UBE2E2: variants seen among roughly 807,000 people sequenced by gnomAD.
UBE2E2 encodes ubiquitin-conjugating enzyme E2 E2.
A neutral mutation model predicts 24.7 loss-of-function variants in UBE2E2; 6 were observed. That is an observed-to-expected ratio of 0.24 (90% confidence interval 0.13 to 0.48). The LOEUF (loss-of-function observed/expected upper bound fraction) is 0.48, where lower values mean the gene tolerates loss of function less well. Ranked by LOEUF, UBE2E2 falls within the 20% of genes least tolerant of loss-of-function variation. The pLI, the probability that UBE2E2 is intolerant of heterozygous loss-of-function variation, is 0.99. For missense variants in UBE2E2, 169 were observed against 245.0 expected, an observed-to-expected ratio of 0.69 and a Z score of 2.07; for synonymous variants, 104 against 83.6, an observed-to-expected ratio of 1.24 and a Z score of -1.33.
rs544879551 is a variant in UBE2E2 at position 23,298,485 on chromosome 3, C to T, written c.227+81173C>T. On this transcript the variant is annotated intron_variant, in intron 3 of 5. Coordinates refer to ENST00000396703, the MANE Select transcript of UBE2E2 (RefSeq NM_152653.4). ...CCATCAATACCTAATTTATTGAGAGCTTTTAGCATGAAGAGTTGTTGAATT... is the reference window on the plus strand; with the variant it reads ...CCATCAATACCTAATTTATTGAGAGTTTTTAGCATGAAGAGTTGTTGAATT... Among the ~76,000 whole-genome samples the T allele has an allele frequency of 1.1e-3, 161 of 152,204 alleles. 1 individual carries two copies. In the South Asian group the frequency reaches 0.012, roughly 11 times the overall value.
At chr3:23,543,484 G>T (rs938581586) in intron 5 of UBE2E2, among the ~76,000 whole-genome samples, 4 of 151,622 alleles carry the variant, frequency 2.6e-5, no homozygotes, top group African/African-American at 9.7e-5. Context: ...AAAATAAAAT[G>T]CCTGGGAATA....
At chr3:23,236,656 C>T (rs1006992176) in intron 3 of UBE2E2, among the ~76,000 whole-genome samples, 3 of 151,946 alleles carry the variant, frequency 2.0e-5, no homozygotes, top group Non-Finnish European at 2.9e-5. Flanking sequence ...TAAGTGTGGT[C>T]GACATATATT....
At chr3:23,305,764 C>G (rs751970964) in intron 3 of UBE2E2, among the ~76,000 whole-genome samples, 4 of 152,122 alleles carry the variant, frequency 2.6e-5, no homozygotes, top group African/African-American at 4.8e-5. Context: ...GGCTCTCACT[C>G]TGTCACCCAG....
At chr3:23,353,240 AT>A (rs1463873528) in intron 3 of UBE2E2, among the ~76,000 whole-genome samples, 1 of 152,142 alleles carries the variant, frequency 6.6e-6, no homozygotes, top group African/African-American at 2.4e-5. Context: ...GTATCTCCAA[AT>A]AATAAGAGCT....
intron 3 of UBE2E2, among the ~76,000 whole-genome samples, chr3:23,327,831 G>A (rs1694944869): frequency 1.3e-5 from 2 of 152,168 alleles, no homozygotes; most frequent in African/African-American, 4.8e-5. Flanking sequence ...GTGTTGTCTA[G>A]GAGTTTGTGA....
At chr3:23,478,544 G>T (rs1699185947) in intron 3 of UBE2E2, among the ~76,000 whole-genome samples, 1 of 152,110 alleles carries the variant, frequency 6.6e-6, no homozygotes, top group South Asian at 2.1e-4. Flanking sequence ...CATACATCAA[G>T]AACTGATGTG....
rs1456213859 is a variant in UBE2E2, at chr3:23,407,634, T to TGTGC, written c.228-91973_228-91970dup. On this transcript the variant is annotated intron_variant, in intron 3 of 5. Coordinates refer to ENST00000396703, the MANE Select transcript of UBE2E2 (RefSeq NM_152653.4). The surrounding 1 kb of genome is among the most constrained non-coding windows in gnomAD (Gnocchi z 4.0). The stretch of plus-strand genomic sequence containing the variant: ...AGGAGTGCATGTGTGTGTGTTTGTG[T>TGTGC]GTGCATGCGTGCATGTGTGTGTGTG... Among the ~76,000 whole-genome samples, 27 of 132,738 alleles carry TGTGC rather than the reference T, an allele frequency of 2.0e-4. No homozygotes were observed. Among genetic ancestry groups the TGTGC allele is most frequent in the African/African-American group, 7.2e-4 (21 of 29,170 alleles). 87.1% of individuals were successfully genotyped at this position (132,738 alleles called of 152,430 possible). A position where few individuals can be genotyped will look rare whatever the true frequency, so the allele number is the denominator to read the frequency against.
intron 3 of UBE2E2, among the ~76,000 whole-genome samples, chr3:23,377,883 C>T (rs746914155): frequency 2.6e-5 from 4 of 152,106 alleles, no homozygotes; most frequent in Non-Finnish European, 4.4e-5. Flanking sequence ...CTTTTATGTA[C>T]ATCTCTTATG....
rs951668271 is a variant in UBE2E2, at chr3:23,590,477, G to A, written c.*646G>A. 2 of 152,562 alleles carry A rather than the reference G, an allele frequency of 1.3e-5. No individual in the cohort carries two copies. Among genetic ancestry groups the A allele is most frequent in the Non-Finnish European group, 2.9e-5 (2 of 68,036 alleles). The allele number at this position is 152,562 out of a possible 1,614,324, so 9.5% of individuals were successfully genotyped here. On this transcript the variant is annotated 3_prime_UTR_variant, in exon 6 of 6. Coordinates refer to ENST00000396703, the MANE Select transcript of UBE2E2 (RefSeq NM_152653.4). ...TAATATGTATTTTGATTTACTTAAA[G>A]TGCTTGTAAATTTCTTAGGGACCTG...
rs1696926781 is a variant in UBE2E2 at position 23,391,283 on chromosome 3, C to G, written c.228-108325C>G. ...CCTAAGTTGCCAGTTATATTAACTGCTACTTAAACTATACATTTTTAAATC... is the reference window on the plus strand; with the variant it reads ...CCTAAGTTGCCAGTTATATTAACTGGTACTTAAACTATACATTTTTAAATC... On this transcript the variant is annotated intron_variant, in intron 3 of 5. Transcript: ENST00000396703. Among the ~76,000 whole-genome samples, 3 of 152,266 alleles carry G rather than the reference C, an allele frequency of 2.0e-5. No homozygotes were observed. The South Asian group carries it at 6.2e-4, about 32-fold the overall frequency.
At chr3:23,363,930 A>G (rs911802445) in intron 3 of UBE2E2, among the ~76,000 whole-genome samples, 2 of 151,992 alleles carry the variant, frequency 1.3e-5, no homozygotes, top group Non-Finnish European at 2.9e-5. Context: ...AAAAAAAAAA[A>G]CTTACCAAAC....
In UBE2E2 at chr3:23,581,248, G is replaced by A. The variant is rs902377162; in HGVS notation, c.509-8486G>A. On this transcript the variant is annotated intron_variant, in intron 5 of 5. Transcript: ENST00000396703. ...AATTTTTAAAAATTTATGTAGAGGC[G>A]GGGTCTCGCTATATTGATCAGGTTC... Among the ~76,000 whole-genome samples the A allele has an allele frequency of 6.6e-5, 10 of 151,696 alleles. No individual in the cohort carries two copies. The South Asian group carries it at 8.4e-4, about 13-fold the overall frequency.
At chr3:23,387,176 T>C (rs1293172295) in intron 3 of UBE2E2, among the ~76,000 whole-genome samples, 1 of 152,234 alleles carries the variant, frequency 6.6e-6, no homozygotes, top group African/African-American at 2.4e-5. Flanking sequence ...CTAAATGTAG[T>C]ATTCCTATTC....
At chr3:23,373,091 GC>G (rs1696436126) in intron 3 of UBE2E2, among the ~76,000 whole-genome samples, 2 of 152,090 alleles carry the variant, frequency 1.3e-5, no homozygotes, top group Admixed American at 1.3e-4. Flanking sequence ...TTAAAGAGGG[GC>G]CTCTAAACTC....
chr3:23,420,066 A>G (rs1697758236), intron 3 of UBE2E2, among the ~76,000 whole-genome samples: 1 of 152,244 alleles, frequency 6.6e-6, no homozygotes, highest in Admixed American at 6.5e-5. Context: ...GATGCCTAAG[A>G]GAGAGAGTCT....
chr3:23,422,461 A>G (rs1288704516), intron 3 of UBE2E2, among the ~76,000 whole-genome samples: 1 of 152,210 alleles, frequency 6.6e-6, no homozygotes, highest in Non-Finnish European at 1.5e-5. Context: ...AAGAGAAACC[A>G]AGATTCCATG....
chr3:23,482,481 A>G (rs1010000749), intron 3 of UBE2E2, among the ~76,000 whole-genome samples: 9 of 151,908 alleles, frequency 5.9e-5, no homozygotes, highest in African/African-American at 1.5e-4. Context: ...ATTACCTTCC[A>G]TCACTTTTCT....
chr3:23,289,469 A>G (rs1267393418), intron 3 of UBE2E2, among the ~76,000 whole-genome samples: 1 of 152,244 alleles, frequency 6.6e-6, no homozygotes, highest in Non-Finnish European at 1.5e-5. Context: ...TTTCTAAGCA[A>G]AAGCAATTTG....
At position 23,583,493 on chromosome 3, in the gene UBE2E2, G is replaced by A. The variant is rs541575136; in HGVS notation, c.509-6241G>A. 8.5e-5 allele frequency among the ~76,000 whole-genome samples: 13 copies of A among 152,278 alleles called. No individual in the cohort carries two copies. In the South Asian group the frequency reaches 2.5e-3, roughly 29 times the overall value. On this transcript the variant is annotated intron_variant, in intron 5 of 5. Transcript: ENST00000396703. This position sits in a 1 kb window ranked among gnomAD's most constrained non-coding sequence, Gnocchi z 4.1. ...TGTCATTGGTAGTTTGATAGAAATA[G>A]CGTTGCACCTGTAAATTGCTTTGGG... is the stretch of plus-strand genomic sequence containing the variant.
Sources: gnomAD v4.1 joint callset for allele counts (sites outside exome capture counted in the v4.1 genomes callset) on GRCh38, gnomAD v4.1.1 for gene constraint, Gnocchi (gnomAD v3.1) non-coding constraint, MANE v1.5 for transcripts, NCBI Gene and HGNC (gene_info 2026-07-23, HGNC 2026-07-21) for gene names.